MPDZ: variants seen among roughly 807,000 people sequenced by gnomAD.
MPDZ encodes multiple PDZ domain protein.
MPDZ carries 234 observed loss-of-function variants against 239.1 expected under a neutral mutation model. That is an observed-to-expected ratio of 0.98 (90% CI 0.88 to 1.09). The LOEUF (loss-of-function observed/expected upper bound fraction) is 1.09. Among genes scored for constraint, MPDZ ranks in the 50% least tolerant of loss-of-function variants. MPDZ has a pLI of 0.00. For missense variants in MPDZ, 3,175 were observed against 2,510.0 expected, an observed-to-expected ratio of 1.26 and a Z score of -5.66; for synonymous variants, 1,048 against 881.3, an observed-to-expected ratio of 1.19 and a Z score of -3.35.
At chr9:13,129,302 A>G (rs1354243882) in intron 32 of MPDZ, among the ~76,000 whole-genome samples, 2 of 151,902 alleles carry the variant, frequency 1.3e-5, no homozygotes. Context: ...ATCTCTAATT[A>G]AAGTACAAAA....
At chr9:13,247,573 A>G (rs1182519317) in intron 3 of MPDZ, 62 bp downstream of exon 3, 1 of 1,536,824 alleles carries the variant, frequency 6.5e-7, no homozygotes, top group East Asian at 2.3e-5. Flanking sequence ...TCAGAAAAAC[A>G]CAAGCCTTTC....
At chr9:13,125,131 T>C (rs3818595) in intron 35 of MPDZ, 85 bp downstream of exon 35, 855,694 of 1,281,060 alleles carry the variant, frequency 0.67, 288,871 homozygotes, top group Non-Finnish European at 0.69. Context: ...GAGCCACAGG[T>C]AGGCAGCTGG....
At chr9:13,149,788 T>C (rs1948911916) in intron 25 of MPDZ, among the ~76,000 whole-genome samples, 1 of 152,076 alleles carries the variant, frequency 6.6e-6, no homozygotes, top group African/African-American at 2.4e-5. Context: ...CAACTTGACA[T>C]GCTTCTAACA....
chr9:13,139,259 A>T (rs1005502865), intron 28 of MPDZ, among the ~76,000 whole-genome samples: 1 of 152,226 alleles, frequency 6.6e-6, no homozygotes, highest in Non-Finnish European at 1.5e-5. Flanking sequence ...TTCTTAAAGG[A>T]AATAATTCGA....
At chr9:13,218,283 G>A (rs1401153900) in intron 8 of MPDZ, among the ~76,000 whole-genome samples, 2 of 151,790 alleles carry the variant, frequency 1.3e-5, no homozygotes, top group Non-Finnish European at 1.5e-5. Flanking sequence ...TGCTTCAATT[G>A]AAACAAATGT....
intron 18 of MPDZ, among the ~76,000 whole-genome samples, chr9:13,185,318 C>A (rs1953947662): frequency 6.6e-6 from 1 of 152,146 alleles, no homozygotes. Flanking sequence ...AAATTACAAT[C>A]AGCAAAATGT....
At chr9:13,126,892 A>G in intron 32 of MPDZ, 120 bp from the exon 33 acceptor site, 1 of 741,770 alleles carries the variant, frequency 1.3e-6, no homozygotes, top group South Asian at 2.0e-5. Context: ...CTAAGACCTT[A>G]GACTTTAAAT....
At chr9:13,166,204 T>C (rs888500944) in intron 22 of MPDZ, among the ~76,000 whole-genome samples, 4 of 152,126 alleles carry the variant, frequency 2.6e-5, no homozygotes, top group Non-Finnish European at 5.9e-5. Context: ...AATGTTATGG[T>C]TCTATTCAGA....
At chr9:13,154,749 G>C (rs2133235366) in intron 24 of MPDZ, among the ~76,000 whole-genome samples, 1 of 152,216 alleles carries the variant, frequency 6.6e-6, no homozygotes, top group African/African-American at 2.4e-5. Context: ...CAACAAATGA[G>C]CAAATGTTCA....
At chr9:13,243,661 G>A (rs947142148) in intron 3 of MPDZ, among the ~76,000 whole-genome samples, 5 of 152,096 alleles carry the variant, frequency 3.3e-5, no homozygotes, top group Non-Finnish European at 2.9e-5. Context: ...ACATTTAAGA[G>A]TAATTTTCAA....
intron 22 of MPDZ, among the ~76,000 whole-genome samples, chr9:13,166,859 G>A (rs1488809205): frequency 2.0e-5 from 3 of 152,118 alleles, no homozygotes; most frequent in Non-Finnish European, 4.4e-5. Flanking sequence ...AAGTTTTCTA[G>A]AGTTGACCAG....
At chr9:13,190,526 C>T (rs538378835) in intron 15 of MPDZ, among the ~76,000 whole-genome samples, 1 of 152,106 alleles carries the variant, frequency 6.6e-6, no homozygotes, top group East Asian at 1.9e-4. Context: ...ATATATGATT[C>T]AAAGGTCTAT....
chr9:13,174,897 C>T (rs1952254317), intron 21 of MPDZ, among the ~76,000 whole-genome samples: 1 of 152,208 alleles, frequency 6.6e-6, no homozygotes, highest in South Asian at 2.1e-4. Flanking sequence ...AAATCCCACT[C>T]ATCAAGTAAG....
chr9:13,240,119 T>C (rs1049248114), intron 3 of MPDZ, among the ~76,000 whole-genome samples: 14 of 151,998 alleles, frequency 9.2e-5, no homozygotes, highest in Admixed American at 2.0e-4. Context: ...ACAAACAACA[T>C]GTTAGAATTT....
chr9:13,120,614 ATTCT>A (rs1489788955), intron 38 of MPDZ: 7 of 152,234 alleles, frequency 4.6e-5, no homozygotes, highest in Non-Finnish European at 1.0e-4. Flanking sequence ...AATATGCTAA[ATTCT>A]TTCTGTGTTT....
At chr9:13,126,935 C>A (rs1425306901) in intron 32 of MPDZ, among the ~76,000 whole-genome samples, 163 bp from the exon 33 acceptor site, 1 of 152,190 alleles carries the variant, frequency 6.6e-6, no homozygotes, top group Non-Finnish European at 1.5e-5. Flanking sequence ...TTTTCTTAAA[C>A]AAACTTTCAA....
chr9:13,186,816 T>A (rs1044867280), intron 17 of MPDZ, among the ~76,000 whole-genome samples: 1 of 152,096 alleles, frequency 6.6e-6, no homozygotes, highest in Non-Finnish European at 1.5e-5. Context: ...AAACAAAATA[T>A]TAAAAAGAAA....
chr9:13,233,922 A>C (rs1238608882), intron 3 of MPDZ, among the ~76,000 whole-genome samples: 2 of 152,200 alleles, frequency 1.3e-5, no homozygotes, highest in Admixed American at 1.3e-4. Flanking sequence ...TGTGGATTCA[A>C]CTGGCTAATT....
chr9:13,250,435 C>A (rs1436168007), intron 1 of MPDZ, 63 bp from the exon 2 acceptor site: 14 of 829,648 alleles, frequency 1.7e-5, no homozygotes, highest in African/African-American at 3.4e-5. Flanking sequence ...AAGCTATATA[C>A]TCTGAAGAAC....
Sources: allele counts gnomAD v4.1 joint callset (sites outside exome capture counted in the v4.1 genomes callset), GRCh38; gene constraint gnomAD v4.1.1; transcripts MANE v1.5; gene names NCBI Gene and HGNC (gene_info 2026-07-23, HGNC 2026-07-21).